ISG20L2: variants seen among roughly 807,000 people sequenced by gnomAD.
ISG20L2 encodes the protein interferon-stimulated 20 kDa exonuclease-like 2.
ISG20L2 carries 14 observed loss-of-function variants against 27.8 expected under a neutral mutation model. The ratio of observed to expected loss-of-function variants is 0.50; its 90% CI spans 0.33 to 0.79. The LOEUF is 0.79. Among genes scored for constraint, ISG20L2 ranks in the 30% least tolerant of loss-of-function variants. The pLI, the probability that ISG20L2 is intolerant of heterozygous loss-of-function variation, is 0.02. For synonymous variants in ISG20L2, 157 were observed against 165.7 expected (o/e 0.95, Z 0.40); for missense variants, 393 against 435.1 (o/e 0.90, Z 0.86).
At chr1:156,727,882 C>A in intron 1 of ISG20L2, 113 bp from the exon 2 acceptor site, 1 of 1,303,452 alleles carries the variant, frequency 7.7e-7, no homozygotes, top group Non-Finnish European at 9.8e-7. Flanking sequence ...ATCTCTCAGA[C>A]AGAGGGGAAA....
rs773903880 is a variant in ISG20L2 at position 156,723,059 on chromosome 1, A to C, written c.*290T>G. On this transcript the variant is annotated 3_prime_UTR_variant, in exon 4 of 4. Coordinates refer to ENST00000368219, the MANE Select transcript of ISG20L2 (RefSeq NM_001370150.2). The stretch of plus-strand genomic sequence containing the variant: ...TGCCCCTTGAAAGTTAAAAATCTTA[A>C]CTGGCACAGAGCACCCTGGGACACC... 12 of 330,674 alleles carry C rather than the reference A, an allele frequency of 3.6e-5. No individual in the cohort carries two copies. The highest frequency in any genetic ancestry group is 6.2e-5 in the Non-Finnish European group (11 of 178,536). 20.5% of individuals were successfully genotyped at this position (330,674 alleles called of 1,614,324 possible). A position where few individuals can be genotyped will look rare whatever the true frequency, so the allele number is the denominator to read the frequency against.
At chr1:156,726,308 A>T (rs1648755770) in intron 2 of ISG20L2, 2 of 985,354 alleles carry the variant, frequency 2.0e-6, no homozygotes, top group South Asian at 9.4e-5. Flanking sequence ...GTTTTTCCAA[A>T]TCAAGCCCTT....
At chr1:156,727,869 G>A (rs1386312149) in intron 1 of ISG20L2, 100 bp from the exon 2 acceptor site, 8 of 1,355,724 alleles carry the variant, frequency 5.9e-6, no homozygotes, top group Non-Finnish European at 7.6e-6. Context: ...AGACATCAGA[G>A]CAATCTCTCA....
Position 156,728,728 on chromosome 1 carries a change from G to C in ISG20L2, c.-431C>G, listed in dbSNP as rs1006761711. 2 of 1,001,002 alleles carry C rather than the reference G, an allele frequency of 2.0e-6. No homozygotes were observed. The highest frequency in any genetic ancestry group is 1.2e-6 in the Non-Finnish European group (1 of 839,604). The allele number at this position is 1,001,002 out of a possible 1,614,324, so 62.0% of individuals were successfully genotyped here. A position where few individuals can be genotyped will look rare whatever the true frequency, so the allele number is the denominator to read the frequency against. The stretch of plus-strand genomic sequence containing the variant: ...GATAAACCGGAACTGCAGCCCGCCG[G>C]ACACCTCCGGCTTCACTTCCGTAAG... On this transcript the variant is annotated 5_prime_UTR_variant, in exon 1 of 4. Coordinates refer to ENST00000368219, the MANE Select transcript of ISG20L2 (RefSeq NM_001370150.2).
chr1:156,725,439 C>T (rs1049230720), intron 2 of ISG20L2: 4 of 152,204 alleles, frequency 2.6e-5, no homozygotes, highest in African/African-American at 7.2e-5. Context: ...TGAGGACAAC[C>T]GAAGAACACA....
Position 156,727,744 on chromosome 1 carries a change from C to A in ISG20L2, c.-92G>T. On this transcript the variant is annotated 5_prime_UTR_variant, in exon 2 of 4. Coordinates refer to ENST00000368219, the MANE Select transcript of ISG20L2 (RefSeq NM_001370150.2). ...TCATTCTCTGCTGAATCCTACTGTC[C>A]AACATGTGGAGGTCTGTAGTACACC... 1.3e-6 allele frequency: 2 copies of A among 1,523,130 alleles called. No homozygotes were observed. The highest frequency in any genetic ancestry group is 1.7e-6 in the Non-Finnish European group (2 of 1,145,316). The allele number at this position is 1,523,130 out of a possible 1,614,324, so 94.4% of individuals were successfully genotyped here.
At position 156,722,241 on chromosome 1, in the gene ISG20L2, G is replaced by A. The variant is rs906122083; in HGVS notation, c.*1108C>T. 9 of 151,974 alleles carry A rather than the reference G, an allele frequency of 5.9e-5. No individual in the cohort carries two copies. The highest frequency in any genetic ancestry group is 2.2e-4 in the African/African-American group (9 of 41,332). The allele number at this position is 151,974 out of a possible 1,614,324, so 9.4% of individuals were successfully genotyped here. On this transcript the variant is annotated 3_prime_UTR_variant, in exon 4 of 4. Transcript: ENST00000368219. Reference sequence around the variant, plus strand: ...GAGCCAAAAGCAGACTCTGTGACATGGAAAGGGACCACACAATTTTAATTT... The same window carrying A: ...GAGCCAAAAGCAGACTCTGTGACATAGAAAGGGACCACACAATTTTAATTT...
At position 156,727,517 on chromosome 1, in the gene ISG20L2, G is replaced by C; in HGVS notation, c.136C>G (p.Gln46Glu). ...AACTTAGGCGCCTTGCTAGGGGGTT[G>C]GTTCTTTTTACTCAGAAAGCCTCTC... ...ERRGFLSKKN[Q>E]PPSKAPKLHS... Residue 46 changes from glutamine to glutamate, a missense_variant, in exon 2 of 4, where the codon CAA (glutamine) becomes GAA (glutamate). By Grantham distance (29) the Gln-to-Glu change is conservative. Coordinates refer to ENST00000368219, the MANE Select transcript of ISG20L2 (RefSeq NM_001370150.2). 6.2e-7 allele frequency: 1 copy of C among 1,614,118 alleles called. No individual in the cohort carries two copies. Among genetic ancestry groups the C allele is most frequent in the Non-Finnish European group, 8.5e-7 (1 of 1,180,018 alleles).
intron 3 of ISG20L2, 103 bp downstream of exon 3, chr1:156,724,045 C>G: frequency 8.3e-7 from 1 of 1,207,522 alleles, no homozygotes; most frequent in Non-Finnish European, 1.2e-6. Context: ...CAGCAGCCCA[C>G]CTGGATCTCT....
At position 156,728,640 on chromosome 1, in the gene ISG20L2, G is replaced by A. The variant is rs925977985; in HGVS notation, c.-343C>T. The A allele has an allele frequency of 3.0e-6, 3 of 985,558 alleles. No individual in the cohort carries two copies. The highest frequency in any genetic ancestry group is 6.1e-5 in the Admixed American group (1 of 16,302). The allele number at this position is 985,558 out of a possible 1,614,324, so 61.1% of individuals were successfully genotyped here. On this transcript the variant is annotated 5_prime_UTR_variant, in exon 1 of 4. Coordinates refer to ENST00000368219, the MANE Select transcript of ISG20L2 (RefSeq NM_001370150.2). ...GGGCGGCGTGGGTGGGGGCGGGGGC[G>A]GGATGCGCTCCCCGGCCCCTCTAGC...
At position 156,723,220 on chromosome 1, in the gene ISG20L2, G is replaced by A. The variant is rs2102618588; in HGVS notation, c.*129C>T. Reference sequence around the variant, plus strand: ...AATTTCAATGGGTATTAAGTCTGGGGTAGAGCTTCTCTCTCCCCAAATCTA... The same window carrying A: ...AATTTCAATGGGTATTAAGTCTGGGATAGAGCTTCTCTCTCCCCAAATCTA... On this transcript the variant is annotated 3_prime_UTR_variant, in exon 4 of 4. Coordinates refer to ENST00000368219, the MANE Select transcript of ISG20L2 (RefSeq NM_001370150.2). 8.6e-7 allele frequency: 1 copy of A among 1,157,598 alleles called. No individual in the cohort carries two copies. Among genetic ancestry groups the A allele is most frequent in the Non-Finnish European group, 1.2e-6 (1 of 801,210 alleles). 71.7% of individuals were successfully genotyped at this position (1,157,598 alleles called of 1,614,324 possible).
rs1648582255 is a variant in ISG20L2 at position 156,722,579 on chromosome 1, T to G, written c.*770A>C. On this transcript the variant is annotated 3_prime_UTR_variant, in exon 4 of 4. Coordinates refer to ENST00000368219, the MANE Select transcript of ISG20L2 (RefSeq NM_001370150.2). ...CCACGCCCGGCAGGGACCACACAATTTATTAACCAACCAGGTTAATAAATT... is the reference window on the plus strand; with the variant it reads ...CCACGCCCGGCAGGGACCACACAATGTATTAACCAACCAGGTTAATAAATT... The G allele has an allele frequency of 6.6e-6, 1 of 150,484 alleles. No individual in the cohort carries two copies. The highest frequency in any genetic ancestry group is 1.5e-5 in the Non-Finnish European group (1 of 67,788). 9.3% of individuals were successfully genotyped at this position (150,484 alleles called of 1,614,324 possible).
intron 2 of ISG20L2, 77 bp from the exon 3 acceptor site, chr1:156,724,425 C>A: frequency 7.0e-7 from 1 of 1,420,460 alleles, no homozygotes; most frequent in African/African-American, 1.4e-5. Context: ...CCCAACATGA[C>A]CATCAATCCC....
intron 2 of ISG20L2, 143 bp from the exon 3 acceptor site, chr1:156,724,491 C>T (rs1458363686): frequency 1.4e-6 from 2 of 1,408,842 alleles, no homozygotes; most frequent in Non-Finnish European, 1.9e-6. Context: ...CTCACTCCCA[C>T]AAGTTTTCTT....
chr1:156,727,013 C>T lies in ISG20L2; in HGVS notation c.640G>A (p.Glu214Lys), dbSNP rs751809214. Reference sequence around the variant, plus strand: ...ATGTGGCAGGGGGGAAGAATGTACTCGTCATAAAGCACATCTCCGTTGTAG... The same window carrying T: ...ATGTGGCAGGGGGGAAGAATGTACTTGTCATAAAGCACATCTCCGTTGTAG... Reference protein sequence around the residue: ...VNYNGDVLYDEYILPPCHIVD... With the variant: ...VNYNGDVLYDKYILPPCHIVD... Residue 214 changes from glutamate (E) to lysine (K), a missense_variant, in exon 2 of 4, where the codon GAG becomes AAG. Coordinates refer to ENST00000368219, the MANE Select transcript of ISG20L2 (RefSeq NM_001370150.2). 1.4e-5 allele frequency: 23 copies of T among 1,614,046 alleles called. No homozygotes were observed. The highest frequency in any genetic ancestry group is 1.1e-4 in the African/African-American group (8 of 74,916).
intron 2 of ISG20L2, chr1:156,725,886 G>A (rs1252323632): frequency 5.1e-6 from 5 of 985,308 alleles, no homozygotes; most frequent in South Asian, 4.7e-5. Flanking sequence ...CCAACTGACC[G>A]CATATAAGGC....
At position 156,728,628 on chromosome 1, in the gene ISG20L2, G is replaced by A. The variant is rs919187163; in HGVS notation, c.-331C>T. On this transcript the variant is annotated 5_prime_UTR_variant, in exon 1 of 4. Transcript: ENST00000368219. ...CGGCGGAGGAGGGGGCGGCGTGGGT[G>A]GGGGCGGGGGCGGGATGCGCTCCCC... is the stretch of plus-strand genomic sequence containing the variant. The A allele has an allele frequency of 4.1e-6, 4 of 983,514 alleles. No individual in the cohort carries two copies. Among genetic ancestry groups the A allele is most frequent in the Non-Finnish European group, 4.8e-6 (4 of 827,756 alleles). 60.9% of individuals were successfully genotyped at this position (983,514 alleles called of 1,614,324 possible).
In ISG20L2 at chr1:156,723,358, A is replaced by G; in HGVS notation, c.1053T>C (p.Pro351=). The G allele has an allele frequency of 1.2e-6, 2 of 1,614,096 alleles. No individual in the cohort carries two copies. The highest frequency in any genetic ancestry group is 1.7e-6 in the Non-Finnish European group (2 of 1,180,002). The stretch of plus-strand genomic sequence containing the variant: ...AGCGTCCCCACTGCCACTAGTCTGT[A>G]GGGGGATTCCGGGCTAGGTGCTCTT... ...EWEEHLARNP[P]TD Residue 351 remains proline, a synonymous_variant, in exon 4 of 4, where the codon CCT becomes CCC. Transcript: ENST00000368219.
chr1:156,727,934 G>GC, intron 1 of ISG20L2, 165 bp from the exon 2 acceptor site: 1 of 1,158,316 alleles, frequency 8.6e-7, no homozygotes, highest in Non-Finnish European at 1.1e-6. Flanking sequence ...ATTGGTGTTA[G>GC]CCAGCAAGCC....
Sources: allele counts gnomAD v4.1 joint callset, GRCh38; gene constraint gnomAD v4.1.1; transcripts MANE v1.5; gene names NCBI Gene and HGNC (gene_info 2026-07-23, HGNC 2026-07-21).